The following ASH1L variants were observed in gnomAD, a reference collection of about 807,000 sequenced individuals.
ASH1L encodes the protein ASH1 like histone lysine methyltransferase, also known as histone-lysine N-methyltransferase ASH1L.
Under a neutral mutation model 269.0 loss-of-function variants are expected in ASH1L, and 23 were observed. The ratio of observed to expected loss-of-function variants is 0.09; its 90% CI spans 0.06 to 0.12. The LOEUF (loss-of-function observed/expected upper bound fraction) is 0.12. Among genes scored for constraint, ASH1L ranks in the 10% least tolerant of loss-of-function variants. The pLI is 1.00. For synonymous variants in ASH1L, 1,187 were observed against 1,253.5 expected (o/e 0.95, Z 1.12); for missense variants, 2,912 against 3,567.8 (o/e 0.82, Z 4.68).
chr1:155,416,860 C>T (rs576683615), intron 5 of ASH1L, among the ~76,000 whole-genome samples: 56 of 149,538 alleles, frequency 3.7e-4, no homozygotes, highest in Admixed American at 3.2e-3. Context: ...CCTTCCTTTT[C>T]TTCCTTTCCT....
chr1:155,378,999 A>G (rs1415973821), intron 8 of ASH1L, among the ~76,000 whole-genome samples: 1 of 152,164 alleles, frequency 6.6e-6, no homozygotes, highest in African/African-American at 2.4e-5. Context: ...ATAGGAAAAC[A>G]TTTCAAATTT....
intron 5 of ASH1L, among the ~76,000 whole-genome samples, chr1:155,437,780 T>A (rs1355100421): frequency 6.6e-6 from 1 of 152,186 alleles, no homozygotes; most frequent in Non-Finnish European, 1.5e-5. Context: ...ATAAAATACA[T>A]AATCTTTCTG....
chr1:155,518,968 C>T (rs1668685455), intron 2 of ASH1L, among the ~76,000 whole-genome samples: 2 of 152,082 alleles, frequency 1.3e-5, no homozygotes. Flanking sequence ...TTCCTGAAAG[C>T]GCTAAATAAA....
chr1:155,445,218 T>C (rs1430633059), intron 4 of ASH1L, among the ~76,000 whole-genome samples: 2 of 152,136 alleles, frequency 1.3e-5, no homozygotes, highest in Non-Finnish European at 2.9e-5. Context: ...AGTTTCACTC[T>C]TGTTGCCCAG....
At chr1:155,473,462 G>A (rs1665263080) in intron 3 of ASH1L, among the ~76,000 whole-genome samples, 1 of 151,020 alleles carries the variant, frequency 6.6e-6, no homozygotes, top group Non-Finnish European at 1.5e-5. Context: ...TTCCTGGAAG[G>A]TTAATGCCTA....
rs1209478681 is a variant in ASH1L at position 155,337,758 on chromosome 1, A to G, written c.8804-7T>C. 6.2e-7 allele frequency: 1 copy of G among 1,613,278 alleles called. No individual in the cohort carries two copies. The highest frequency in any genetic ancestry group is 1.1e-5 in the South Asian group (1 of 91,058). On this transcript the variant is annotated splice_region_variant and splice_polypyrimidine_tract_variant and intron_variant, in intron 27 of 27. Coordinates refer to ENST00000392403, the MANE Select transcript of ASH1L (RefSeq NM_018489.3). ...AAGTAGGTCACATCAATGGCTGAAAACAGAACCAAGGAGGCTCATCAAAAT... is the reference window on the plus strand; with the variant it reads ...AAGTAGGTCACATCAATGGCTGAAAGCAGAACCAAGGAGGCTCATCAAAAT...
intron 10 of ASH1L, among the ~76,000 whole-genome samples, chr1:155,374,239 C>A (rs1039177435): frequency 2.6e-5 from 4 of 152,042 alleles, no homozygotes; most frequent in African/African-American, 9.6e-5. Context: ...GTAGGAGAAT[C>A]GCTTGAACCT....
intron 24 of ASH1L, 73 bp from the exon 25 acceptor site, chr1:155,342,175 A>G (rs1652876215): frequency 9.8e-6 from 14 of 1,425,406 alleles, no homozygotes; most frequent in Non-Finnish European, 1.2e-5. Context: ...GACCCCATAC[A>G]CACCAATGGG....
Position 155,478,938 on chromosome 1 carries a change from A to G in ASH1L, c.3932T>C (p.Ile1311Thr). 1.2e-6 allele frequency: 2 copies of G among 1,613,902 alleles called. No homozygotes were observed. The highest frequency in any genetic ancestry group is 1.7e-6 in the Non-Finnish European group (2 of 1,180,004). ...GATAGTTGGCAGAAGATCTCGGGGG[A>G]TAAAATGATGACTTCGATGAGTGAT... is the stretch of plus-strand genomic sequence containing the variant. ...IRITHRSHHF[I>T]PRDLLPTIFR... Residue 1311 changes from isoleucine to threonine, a missense_variant, in exon 3 of 28, where the codon ATC (isoleucine) becomes ACC (threonine). Ile to Thr is a moderately conservative substitution (Grantham distance 89). Coordinates refer to ENST00000392403, the MANE Select transcript of ASH1L (RefSeq NM_018489.3). The surrounding 1 kb of genome is among the most constrained non-coding windows in gnomAD (Gnocchi z 4.6).
intron 3 of ASH1L, among the ~76,000 whole-genome samples, chr1:155,472,940 T>C (rs907918628): frequency 2.0e-5 from 3 of 152,204 alleles, no homozygotes; most frequent in African/African-American, 7.2e-5. Context: ...TCACTCCCTA[T>C]TCTCTCCCAA....
chr1:155,451,197 CA>C (rs71080705), intron 4 of ASH1L, among the ~76,000 whole-genome samples: 29,104 of 83,956 alleles, frequency 0.35, 3,284 homozygotes, highest in East Asian at 0.71. Context: ...AACTCCACCT[CA>C]AAAAAAAAAA....
chr1:155,433,691 C>G (rs2148603177), intron 5 of ASH1L: 1 of 1,599,292 alleles, frequency 6.3e-7, no homozygotes, highest in South Asian at 1.1e-5. Context: ...GGGGCTCACC[C>G]TGGGGGTTCT....
chr1:155,490,804 A>G (rs2148762948), intron 2 of ASH1L, among the ~76,000 whole-genome samples: 1 of 151,850 alleles, frequency 6.6e-6, no homozygotes, highest in Admixed American at 6.6e-5. Context: ...CAAAAAATAA[A>G]TCTCCAAAAT....
At position 155,478,628 on chromosome 1, in the gene ASH1L, A is replaced by G; in HGVS notation, c.4242T>C (p.Ser1414=). 1.9e-6 allele frequency: 3 copies of G among 1,614,020 alleles called. No homozygotes were observed. Among genetic ancestry groups the G allele is most frequent in the Non-Finnish European group, 2.5e-6 (3 of 1,180,004 alleles). ...YPPTLYPPPP[S]PSFTTPLPPP... ...GTGGAAGTGGCGTGGTGAAAGAAGG[A>G]GATGGAGGAGGTGGATAAAGAGTGG... The change falls in exon 3 of 28, where the codon TCT becomes TCC. Residue 1414 remains serine, a synonymous_variant. Coordinates refer to ENST00000392403, the MANE Select transcript of ASH1L (RefSeq NM_018489.3). The surrounding 1 kb of genome is among the most constrained non-coding windows in gnomAD (Gnocchi z 4.6).
At chr1:155,361,651 A>T (rs1654962837) in intron 12 of ASH1L, among the ~76,000 whole-genome samples, 1 of 151,806 alleles carries the variant, frequency 6.6e-6, no homozygotes, top group Admixed American at 6.6e-5. Context: ...GTGAGCCAAG[A>T]TCCTGCCACT....
chr1:155,409,878 G>C (rs915891136), intron 6 of ASH1L, among the ~76,000 whole-genome samples: 1 of 151,966 alleles, frequency 6.6e-6, no homozygotes, highest in South Asian at 2.1e-4. Context: ...AAAAATGGTC[G>C]ATCTTGGCCA....
intron 1 of ASH1L, among the ~76,000 whole-genome samples, chr1:155,542,194 T>A (rs1670470142): frequency 6.6e-6 from 1 of 152,186 alleles, no homozygotes; most frequent in Non-Finnish European, 1.5e-5. Flanking sequence ...CTTTAGGGAA[T>A]TCTAAAATGA....
chr1:155,441,607 C>T (rs1051745011), intron 4 of ASH1L, among the ~76,000 whole-genome samples: 3 of 151,454 alleles, frequency 2.0e-5, no homozygotes, highest in East Asian at 1.9e-4. Flanking sequence ...GGACTACAGA[C>T]GCCCAGCATC....
chr1:155,404,213 A>T (rs1428578327), intron 6 of ASH1L, among the ~76,000 whole-genome samples: 1 of 151,864 alleles, frequency 6.6e-6, no homozygotes, highest in Non-Finnish European at 1.5e-5. Context: ...AAATTAGTCC[A>T]GTGTGGTGGC....
Sources: gnomAD v4.1 joint callset for allele counts (sites outside exome capture counted in the v4.1 genomes callset) on GRCh38, gnomAD v4.1.1 for gene constraint, Gnocchi (gnomAD v3.1) non-coding constraint, MANE v1.5 for transcripts, NCBI Gene and HGNC (gene_info 2026-07-23, HGNC 2026-07-21) for gene names.